Variants in FMN2 observed in about 807,000 individuals in gnomAD.
FMN2 encodes formin 2.
In FMN2, 51 loss-of-function variants were observed where a neutral mutation model predicts 142.3. The observed-to-expected ratio is 0.36, with a 90% CI of 0.29 to 0.45. The LOEUF (loss-of-function observed/expected upper bound fraction) is 0.45, where lower values mean the gene tolerates loss of function less well. FMN2 is among the 20% of genes least tolerant of loss of function. FMN2 has a pLI of 1.00. For missense variants in FMN2, 1,936 were observed against 2,122.8 expected, an observed-to-expected ratio of 0.91 and a Z score of 1.73; for synonymous variants, 882 against 869.8, an observed-to-expected ratio of 1.01 and a Z score of -0.25.
intron 15 of FMN2, among the ~76,000 whole-genome samples, chr1:240,396,533 G>A (rs1673784297): frequency 6.6e-6 from 1 of 151,852 alleles, no homozygotes; most frequent in South Asian, 2.1e-4. Flanking sequence ...CGACACTGAG[G>A]CTTAGAATCT....
chr1:240,120,367 C>A lies in FMN2; in HGVS notation c.1616-2812C>A, dbSNP rs1338087875. Among the ~76,000 whole-genome samples, 3 of 152,286 alleles carry A rather than the reference C, an allele frequency of 2.0e-5. No individual in the cohort carries two copies. In the South Asian group the frequency reaches 6.2e-4, roughly 32 times the overall value. ...ACCAGTGAAAAATATGCGACAGAGACCTTACGTGTGGCTCATAAAGCCTAA... is the reference window on the plus strand; with the variant it reads ...ACCAGTGAAAAATATGCGACAGAGAACTTACGTGTGGCTCATAAAGCCTAA... On this transcript the variant is annotated intron_variant, in intron 1 of 17. Transcript: ENST00000319653.
At chr1:240,353,547 A>G (rs896305213) in intron 13 of FMN2, among the ~76,000 whole-genome samples, 1 of 152,196 alleles carries the variant, frequency 6.6e-6, no homozygotes, top group Non-Finnish European at 1.5e-5. Flanking sequence ...TTTCCTTTCA[A>G]GTAGCTCAGT....
chr1:240,116,051 G>A (rs1485733199), intron 1 of FMN2, among the ~76,000 whole-genome samples: 1 of 152,188 alleles, frequency 6.6e-6, no homozygotes, highest in African/African-American at 2.4e-5. Context: ...GATTCCTTTA[G>A]TATGCTAATG....
chr1:240,438,100 A>G lies in FMN2; in HGVS notation c.4950A>G (p.Lys1650=), dbSNP rs760775217. ...ETTAYFFMKP[K]LGEKEVSPNA... is the part of the protein sequence containing the mutation. ...CGGCATATTTCTTCATGAAACCAAA[A>G]CTTGGAGAGAAGGAGGTGTCCCCAA... The change falls in exon 16 of 18, where the codon AAA becomes AAG. Residue 1650 remains lysine, a synonymous_variant. Transcript: ENST00000319653. 1 of 1,614,124 alleles carries G rather than the reference A, an allele frequency of 6.2e-7. No individual in the cohort carries two copies. Among genetic ancestry groups the G allele is most frequent in the Non-Finnish European group, 8.5e-7 (1 of 1,180,008 alleles).
chr1:240,223,992 C>T (rs1379867286), intron 6 of FMN2, among the ~76,000 whole-genome samples: 2 of 152,034 alleles, frequency 1.3e-5, no homozygotes, highest in Non-Finnish European at 2.9e-5. Context: ...TTCAGTTCTG[C>T]TCTGATCTTA....
chr1:240,349,157 T>C (rs1382578822), intron 13 of FMN2, among the ~76,000 whole-genome samples: 1 of 152,214 alleles, frequency 6.6e-6, no homozygotes, highest in Non-Finnish European at 1.5e-5. Context: ...TAGAGCCCAA[T>C]GTCTGTGCAC....
At position 240,188,269 on chromosome 1, in the gene FMN2, T is replaced by A. The variant is rs765089494; in HGVS notation, c.1986+7T>A. On this transcript the variant is annotated splice_region_variant and intron_variant, in intron 4 of 17. Coordinates refer to ENST00000319653, the MANE Select transcript of FMN2 (RefSeq NM_020066.5). ...CTCAGATGCTGTCCAGAAGGTAAGA[T>A]GATCTTATTAGGATGTCAGATTCCC... 1 of 1,612,862 alleles carries A rather than the reference T, an allele frequency of 6.2e-7. No individual in the cohort carries two copies. Among genetic ancestry groups the A allele is most frequent in the Non-Finnish European group, 8.5e-7 (1 of 1,179,084 alleles).
At chr1:240,265,906 T>G (rs2102910474) in intron 7 of FMN2, among the ~76,000 whole-genome samples, 1 of 138,746 alleles carries the variant, frequency 7.2e-6, no homozygotes, top group Admixed American at 8.0e-5. Flanking sequence ...AGAGATAACT[T>G]AAAGGGGTTT....
rs36215850 is a variant in FMN2 at position 240,248,432 on chromosome 1, GATATATATAT to G, written c.4066-9495_4066-9486del. Reference sequence around the variant, plus strand: ...ACATTATAGTACATACATGTGATTGGATATATATATATATATATATATATATAACATACAT... The same window carrying G: ...ACATTATAGTACATACATGTGATTGGATATATATATATATATAACATACAT... On this transcript the variant is annotated intron_variant, in intron 6 of 17. Transcript: ENST00000319653. 4.7e-3 allele frequency among the ~76,000 whole-genome samples: 666 copies of G among 142,270 alleles called. 3 individuals are homozygous for G. The highest frequency in any genetic ancestry group is 0.024 in the South Asian group (109 of 4,492). 93.3% of individuals were successfully genotyped at this position (142,270 alleles called of 152,430 possible).
intron 6 of FMN2, among the ~76,000 whole-genome samples, chr1:240,233,257 T>G (rs1667588487): frequency 6.6e-6 from 1 of 152,046 alleles, no homozygotes; most frequent in Admixed American, 6.6e-5. Flanking sequence ...GGCGGGCACC[T>G]GTAATCCCAG....
intron 8 of FMN2, among the ~76,000 whole-genome samples, chr1:240,303,820 C>T (rs188328724): frequency 1.2e-3 from 179 of 152,164 alleles, no homozygotes; most frequent in African/African-American, 3.4e-3. Context: ...TGGTGTTTCA[C>T]GGCTTCCTGA....
chr1:240,293,624 T>C (rs1158514442), intron 7 of FMN2, among the ~76,000 whole-genome samples: 1 of 152,156 alleles, frequency 6.6e-6, no homozygotes, highest in Non-Finnish European at 1.5e-5. Context: ...GTTCACGATA[T>C]TTTTGCCTTA....
chr1:240,135,580 G>C (rs910012993), intron 2 of FMN2, among the ~76,000 whole-genome samples: 1 of 151,844 alleles, frequency 6.6e-6, no homozygotes, highest in Non-Finnish European at 1.5e-5. Context: ...CCCTCTGTTT[G>C]TAGTCAGATA....
At chr1:240,100,804 A>G (rs1661384571) in intron 1 of FMN2, among the ~76,000 whole-genome samples, 1 of 152,218 alleles carries the variant, frequency 6.6e-6, no homozygotes. Context: ...TAGAGCTGCA[A>G]TGGACTGAAA....
Position 240,369,303 on chromosome 1 carries a change from A to G in FMN2, c.4858+13395A>G, listed in dbSNP as rs188133705. Among the ~76,000 whole-genome samples the G allele has an allele frequency of 1.8e-4, 28 of 152,262 alleles. 1 individual carries two copies. In the East Asian group the frequency reaches 5.4e-3, roughly 29 times the overall value. ...AGTTGCTGTTTTTACTTCCCTCTAA[A>G]CAAATTCTTAGCATGTTTTAATGCT... On this transcript the variant is annotated intron_variant, in intron 14 of 17. Coordinates refer to ENST00000319653, the MANE Select transcript of FMN2 (RefSeq NM_020066.5).
At chr1:240,267,073 C>T (rs997542747) in intron 7 of FMN2, among the ~76,000 whole-genome samples, 1 of 152,036 alleles carries the variant, frequency 6.6e-6, no homozygotes, top group African/African-American at 2.4e-5. Flanking sequence ...AAAGTAATTG[C>T]AGCAGGAACA....
chr1:240,458,749 C>T (rs753634893), intron 16 of FMN2: 5 of 152,114 alleles, frequency 3.3e-5, no homozygotes, highest in Non-Finnish European at 4.4e-5. Context: ...CTGTCAGATG[C>T]AATTTTATAA....
chr1:240,248,188 G>C (rs1025425262), intron 6 of FMN2, among the ~76,000 whole-genome samples: 9 of 151,894 alleles, frequency 5.9e-5, no homozygotes, highest in African/African-American at 2.2e-4. Flanking sequence ...ATATGAGTGA[G>C]AGTGTACAAT....
chr1:240,101,572 C>A (rs1023324412), intron 1 of FMN2, among the ~76,000 whole-genome samples: 1 of 151,712 alleles, frequency 6.6e-6, no homozygotes, highest in African/African-American at 2.4e-5. Context: ...TCATGCTCTG[C>A]CACCCAAGCG....
Sources: gnomAD v4.1 joint callset for allele counts (sites outside exome capture counted in the v4.1 genomes callset) on GRCh38, gnomAD v4.1.1 for gene constraint, MANE v1.5 for transcripts, NCBI Gene and HGNC (gene_info 2026-07-23, HGNC 2026-07-21) for gene names.